The following MPP7 variants were observed in gnomAD, a reference collection of about 807,000 sequenced individuals.
The protein encoded by MPP7 is MAGUK p55 scaffold protein 7.
MPP7 carries 60 observed loss-of-function variants against 76.5 expected under a neutral mutation model. The observed-to-expected ratio is 0.78, with a 90% CI of 0.64 to 0.97. The LOEUF is 0.97. MPP7 is among the 50% of genes least tolerant of loss of function. The pLI is 0.00. For synonymous variants in MPP7, 237 were observed against 244.5 expected (o/e 0.97, Z 0.29); for missense variants, 641 against 694.0 (o/e 0.92, Z 0.86).
intron 3 of MPP7, among the ~76,000 whole-genome samples, chr10:28,181,410 A>G (rs912235807): frequency 5.3e-5 from 8 of 152,232 alleles, no homozygotes; most frequent in African/African-American, 1.9e-4. Context: ...ATTAACTATC[A>G]TCTGTCTGTA....
intron 3 of MPP7, among the ~76,000 whole-genome samples, chr10:28,172,406 C>G (rs1388661298): frequency 6.6e-6 from 1 of 152,206 alleles, no homozygotes; most frequent in African/African-American, 2.4e-5. Context: ...ACGTGGCACA[C>G]GCCGAAGTCT....
At chr10:28,329,356 C>T (rs1226168117) in intron 2 of MPP7, among the ~76,000 whole-genome samples, 1 of 152,116 alleles carries the variant, frequency 6.6e-6, no homozygotes, top group Non-Finnish European at 1.5e-5. Flanking sequence ...TTAAAAACCA[C>T]TACTTTACAC....
chr10:28,124,066 C>A lies in MPP7; in HGVS notation c.580G>T (p.Glu194Ter). ...ATTATTTCCTCAGGCCTTTTATCCT[C>A]CACTGGTATCCCGTTGACTTCCCTA... is the stretch of plus-strand genomic sequence containing the variant. ...ELREVNGIPV[E>*]DKRPEEIIQI... The change falls in exon 8 of 17, where the codon GAG becomes TAG. Residue 194 changes from glutamate (E) to a stop codon, truncating the protein, a stop_gained. Transcript: ENST00000683449. LOFTEE classifies it high-confidence loss of function. 1 of 1,612,568 alleles carries A rather than the reference C, an allele frequency of 6.2e-7. No homozygotes were observed. The highest frequency in any genetic ancestry group is 8.5e-7 in the Non-Finnish European group (1 of 1,178,708).
chr10:28,119,768 G>T, intron 10 of MPP7, 53 bp from the exon 11 acceptor site: 1 of 1,364,942 alleles, frequency 7.3e-7, no homozygotes, highest in South Asian at 1.2e-5. Flanking sequence ...GGTCCGAGGT[G>T]AATACAATAT....
chr10:28,310,567 G>A (rs1018862602), intron 2 of MPP7, among the ~76,000 whole-genome samples: 19 of 152,162 alleles, frequency 1.2e-4, no homozygotes, highest in African/African-American at 4.6e-4. Context: ...CATATTAATA[G>A]TTTCAAACAT....
chr10:28,066,599 A>G (rs889060182), intron 13 of MPP7, among the ~76,000 whole-genome samples: 2 of 152,222 alleles, frequency 1.3e-5, no homozygotes, highest in African/African-American at 4.8e-5. Flanking sequence ...ATATATACAC[A>G]TAAAAGTGTT....
intron 3 of MPP7, among the ~76,000 whole-genome samples, chr10:28,187,999 G>A (rs533707237): frequency 1.9e-4 from 29 of 152,258 alleles, no homozygotes; most frequent in Admixed American, 1.3e-4. Flanking sequence ...TTTCCAGGTT[G>A]GAGAAATAAA....
At chr10:28,085,358 C>G (rs1299161333) in intron 12 of MPP7, among the ~76,000 whole-genome samples, 2 of 152,068 alleles carry the variant, frequency 1.3e-5, no homozygotes, top group African/African-American at 4.8e-5. Context: ...ACTCATAGCT[C>G]TTAGTTACTG....
intron 3 of MPP7, among the ~76,000 whole-genome samples, chr10:28,155,598 CA>C (rs71391013): frequency 6.9e-4 from 86 of 124,488 alleles, no homozygotes; most frequent in Admixed American, 9.4e-4. Context: ...ACCCTGTCTC[CA>C]AAAAAAAAAA....
At chr10:28,131,731 A>T in intron 5 of MPP7, 40 bp from the exon 6 acceptor site, 5 of 1,109,140 alleles carry the variant, frequency 4.5e-6, no homozygotes, top group Non-Finnish European at 6.0e-6. Context: ...GTAAATATAC[A>T]TACTTATATA....
At position 28,296,481 on chromosome 10, in the gene MPP7, T is replaced by C. The variant is rs79466814; in HGVS notation, c.-132+6380A>G. Among the ~76,000 whole-genome samples, 331 of 152,350 alleles carry C rather than the reference T, an allele frequency of 2.2e-3. 1 individual carries two copies. The East Asian group carries it at 0.034, about 16-fold the overall frequency. ...CCTGCATTTTCAAAGTCCAAAGTTG[T>C]CTTCAAAATATCTTGCAAAATGCAG... is the stretch of plus-strand genomic sequence containing the variant. On this transcript the variant is annotated intron_variant, in intron 1 of 16. Transcript: ENST00000683449.
chr10:28,058,676 G>A (rs1851657581), intron 14 of MPP7, 73 bp from the exon 15 acceptor site: 3 of 760,156 alleles, frequency 3.9e-6, no homozygotes, highest in Non-Finnish European at 6.3e-6. Flanking sequence ...AAAATTCATA[G>A]GTAAAAGACG....
chr10:28,252,549 C>T (rs1312729831), intron 1 of MPP7, among the ~76,000 whole-genome samples: 1 of 152,196 alleles, frequency 6.6e-6, no homozygotes, highest in Non-Finnish European at 1.5e-5. Flanking sequence ...GGCATTAACC[C>T]TCATGCATTC....
At chr10:28,258,794 C>A (rs1310623475) in intron 1 of MPP7, among the ~76,000 whole-genome samples, 1 of 152,108 alleles carries the variant, frequency 6.6e-6, no homozygotes, top group East Asian at 1.9e-4. Context: ...ACTGAGCAAC[C>A]ACCAGGCACT....
chr10:28,254,373 A>G (rs910434682), intron 1 of MPP7, among the ~76,000 whole-genome samples: 18 of 152,216 alleles, frequency 1.2e-4, no homozygotes, highest in African/African-American at 4.3e-4. Flanking sequence ...TAATGATGTT[A>G]TATTGTAACA....
chr10:28,177,081 A>C (rs941868156), intron 3 of MPP7, among the ~76,000 whole-genome samples: 1 of 151,630 alleles, frequency 6.6e-6, no homozygotes, highest in Non-Finnish European at 1.5e-5. Context: ...AGTGGACTAA[A>C]ACTCATCAAA....
intron 2 of MPP7, among the ~76,000 whole-genome samples, chr10:28,212,734 G>C (rs1342473225): frequency 6.6e-6 from 1 of 152,168 alleles, no homozygotes; most frequent in African/African-American, 2.4e-5. Context: ...CCTAGAAAGA[G>C]AGTGTCAAGG....
chr10:28,146,414 T>C (rs1475359827), intron 5 of MPP7, among the ~76,000 whole-genome samples: 1 of 150,342 alleles, frequency 6.7e-6, no homozygotes, highest in Admixed American at 6.6e-5. Flanking sequence ...TGTTTTTTTT[T>C]TTTTTGAGAC....
chr10:28,146,217 T>C (rs1835697716), intron 5 of MPP7, among the ~76,000 whole-genome samples: 1 of 152,220 alleles, frequency 6.6e-6, no homozygotes, highest in Non-Finnish European at 1.5e-5. Context: ...AAGGAACTTT[T>C]CTGCTCTAAT....
Sources: gnomAD v4.1 joint callset for allele counts (sites outside exome capture counted in the v4.1 genomes callset) on GRCh38, gnomAD v4.1.1 for gene constraint, MANE v1.5 for transcripts, NCBI Gene and HGNC (gene_info 2026-07-23, HGNC 2026-07-21) for gene names.